The following PDE1C variants were observed in gnomAD, a reference collection of about 807,000 sequenced individuals.
PDE1C encodes dual specificity calcium/calmodulin-dependent 3',5'-cyclic nucleotide phosphodiesterase 1C.
PDE1C carries 62 observed loss-of-function variants against 93.1 expected under a neutral mutation model. The ratio of observed to expected loss-of-function variants is 0.67; its 90% confidence interval spans 0.54 to 0.82. PDE1C has a LOEUF of 0.82. PDE1C is among the 40% of genes least tolerant of loss of function. The probability of loss-of-function intolerance (pLI) is 0.00; values close to 1 mark genes in which losing one functional copy is unlikely to be tolerated. For synonymous variants in PDE1C, 325 were observed against 310.1 expected (o/e 1.05, Z -0.50); for missense variants, 742 against 884.6 (o/e 0.84, Z 2.04).
chr7:32,419,736 T>C (rs1371403474), intron 1 of PDE1C, among the ~76,000 whole-genome samples: 1 of 151,986 alleles, frequency 6.6e-6, no homozygotes, highest in African/African-American at 2.4e-5. Flanking sequence ...GCTGCTAACA[T>C]AGATGCAAAA....
chr7:31,636,593 T>C, the PDE1C span, among the ~76,000 whole-genome samples: 2 of 152,146 alleles, frequency 1.3e-5, no homozygotes, highest in East Asian at 1.9e-4. Flanking sequence ...CTAATGCCTA[T>C]ATAGTCTGGG....
the PDE1C span, among the ~76,000 whole-genome samples, chr7:31,723,010 A>T: frequency 1.3e-5 from 2 of 152,042 alleles, no homozygotes; most frequent in Non-Finnish European, 2.9e-5. Flanking sequence ...TCTTTTACTT[A>T]ACTCATTTAT....
chr7:32,179,974 C>T (rs1562553341), intron 2 of PDE1C, among the ~76,000 whole-genome samples: 3 of 152,166 alleles, frequency 2.0e-5, no homozygotes, highest in Non-Finnish European at 4.4e-5. Context: ...GGGTTGTAGC[C>T]TTCCTCTCCT....
the PDE1C span, among the ~76,000 whole-genome samples, chr7:31,625,323 A>G: frequency 1.4e-4 from 22 of 151,954 alleles, no homozygotes; most frequent in South Asian, 3.9e-3. Context: ...ACATGCACTC[A>G]TATGTTTATT....
At chr7:31,753,932 T>C (rs944613972) in intron 17 of PDE1C, among the ~76,000 whole-genome samples, 6 of 152,216 alleles carry the variant, frequency 3.9e-5, no homozygotes, top group African/African-American at 7.2e-5. Context: ...TGTAAGCTTT[T>C]AGTGTTTGGA....
the PDE1C span, among the ~76,000 whole-genome samples, chr7:31,706,129 C>T: frequency 1.3e-5 from 2 of 150,294 alleles, no homozygotes; most frequent in Non-Finnish European, 3.0e-5. Flanking sequence ...CTCAGCCTCC[C>T]GAGTAGTCAG....
At chr7:32,070,766 C>T (rs1301338460), upstream of PDE1C, 1 of 1,049,774 alleles carries the variant, frequency 9.5e-7, no homozygotes, top group Admixed American at 5.3e-5. Flanking sequence ...GCGATCAGCG[C>T]GCAGCTAAAG....
At chr7:32,319,106 GGGA>G (rs1783233446) in intron 1 of PDE1C, among the ~76,000 whole-genome samples, 1 of 152,212 alleles carries the variant, frequency 6.6e-6, no homozygotes, top group Non-Finnish European at 1.5e-5. Flanking sequence ...GCCGTCACCC[GGGA>G]GCTGCAGTCC....
At chr7:32,399,546 A>T (rs995861691) in intron 1 of PDE1C, among the ~76,000 whole-genome samples, 7 of 140,418 alleles carry the variant, frequency 5.0e-5, no homozygotes, top group Non-Finnish European at 9.2e-5. Flanking sequence ...CCACAGTCTT[A>T]TTGGTTCAGG....
At chr7:32,261,338 A>T (rs994810889) in intron 1 of PDE1C, among the ~76,000 whole-genome samples, 4 of 152,252 alleles carry the variant, frequency 2.6e-5, no homozygotes, top group East Asian at 3.9e-4. Flanking sequence ...GAAAACAGCA[A>T]GAAAATCTCA....
intron 2 of PDE1C, among the ~76,000 whole-genome samples, chr7:31,895,152 C>T (rs940795002): frequency 1.1e-4 from 16 of 152,230 alleles, no homozygotes; most frequent in African/African-American, 3.9e-4. Context: ...TTCAGAGGTC[C>T]CCTGTGCCCT....
At chr7:31,925,957 T>G (rs1374603355) in intron 2 of PDE1C, among the ~76,000 whole-genome samples, 1 of 152,190 alleles carries the variant, frequency 6.6e-6, no homozygotes, top group Non-Finnish European at 1.5e-5. Flanking sequence ...ATGTCCCGTT[T>G]TTAATCCCTT....
At chr7:32,098,097 G>A (rs1181891386) in intron 3 of PDE1C, among the ~76,000 whole-genome samples, 2 of 148,984 alleles carry the variant, frequency 1.3e-5, no homozygotes, top group Non-Finnish European at 3.0e-5. Flanking sequence ...GGGCGTGGTG[G>A]CGGGCGCCTG....
intron 2 of PDE1C, among the ~76,000 whole-genome samples, chr7:31,969,642 T>G (rs980816719): frequency 1.6e-4 from 24 of 152,186 alleles, no homozygotes; most frequent in East Asian, 5.8e-4. Context: ...CCATTACTGG[T>G]TATATACCCA....
At chr7:31,637,487 G>C in the PDE1C span, among the ~76,000 whole-genome samples, 1 of 152,172 alleles carries the variant, frequency 6.6e-6, no homozygotes, top group South Asian at 2.1e-4. Context: ...CTGATGGCCA[G>C]TGATGATGAG....
At chr7:31,771,845 G>A (rs551130933) in intron 17 of PDE1C, among the ~76,000 whole-genome samples, 2 of 152,192 alleles carry the variant, frequency 1.3e-5, no homozygotes, top group South Asian at 2.1e-4. Flanking sequence ...CACAAGGTCA[G>A]GAGATCGAGA....
chr7:31,792,108 G>A (rs905603922), intron 16 of PDE1C, among the ~76,000 whole-genome samples: 6 of 152,078 alleles, frequency 3.9e-5, no homozygotes, highest in East Asian at 1.9e-4. Context: ...GGTCTGTGAC[G>A]TGATGACCTG....
At chr7:31,797,991 C>A (rs746448548) in intron 16 of PDE1C, among the ~76,000 whole-genome samples, 6 of 151,674 alleles carry the variant, frequency 4.0e-5, no homozygotes, top group African/African-American at 1.5e-4. Context: ...TTCTTGGCAG[C>A]TCCGTCCCAA....
At chr7:31,774,974 G>A (rs1057104509) in intron 17 of PDE1C, among the ~76,000 whole-genome samples, 8 of 151,918 alleles carry the variant, frequency 5.3e-5, no homozygotes, top group African/African-American at 4.8e-5. Flanking sequence ...AATTCTGCTC[G>A]TTAAAATTAA....
Sources: gnomAD v4.1 joint callset for allele counts (sites outside exome capture counted in the v4.1 genomes callset) on GRCh38, gnomAD v4.1.1 for gene constraint, MANE v1.5 for transcripts, NCBI Gene and HGNC (gene_info 2026-07-23, HGNC 2026-07-21) for gene names.